The following TNRC6B variants were observed in gnomAD, a reference collection of about 807,000 sequenced individuals.
TNRC6B encodes trinucleotide repeat containing adaptor 6B.
In TNRC6B, 52 loss-of-function variants were observed where a neutral mutation model predicts 203.6. The observed-to-expected ratio is 0.26, with a 90% CI of 0.20 to 0.32. The LOEUF (loss-of-function observed/expected upper bound fraction) is 0.32, where lower values mean the gene tolerates loss of function less well. TNRC6B is among the 10% of genes least tolerant of loss of function. The pLI, the probability that TNRC6B is intolerant of heterozygous loss-of-function variation, is 1.00. For synonymous variants in TNRC6B, 838 were observed against 845.7 expected (o/e 0.99, Z 0.16); for missense variants, 1,923 against 2,286.2 (o/e 0.84, Z 3.24).
At chr22:40,309,505 A>G (rs1022693293) in intron 16 of TNRC6B, among the ~76,000 whole-genome samples, 3 of 152,224 alleles carry the variant, frequency 2.0e-5, no homozygotes, top group Non-Finnish European at 4.4e-5. Flanking sequence ...CCTAAGCATT[A>G]TCATTTGGTT....
Position 40,265,869 on chromosome 22 carries a change from C to T in TNRC6B, c.1639C>T (p.Pro547Ser). Residue 547 changes from proline to serine, a missense_variant, in exon 5 of 23, where the codon CCT (proline) becomes TCT (serine). By Grantham distance (74) the Pro-to-Ser change is moderately conservative (BLOSUM62 -1). Around this residue, in one of 8 missense-constraint regions of TNRC6B, gnomAD observed 614 missense variants for 587.7 expected, o/e 1.04. Coordinates refer to ENST00000454349, the MANE Select transcript of TNRC6B (RefSeq NM_001162501.2). Reference sequence around the variant, plus strand: ...GGACAATCAAAAGGGCCACCCCCTCCCTGAAAACCAAGGCAATGCCCAGGC... The same window carrying T: ...GGACAATCAAAAGGGCCACCCCCTCTCTGAAAACCAAGGCAATGCCCAGGC... The part of the protein sequence containing the change: ...AWDNQKGHPL[P>S]ENQGNAQAPC... 6.2e-7 allele frequency: 1 copy of T among 1,613,992 alleles called. No homozygotes were observed.
chr22:40,222,728 C>CTTTTTTTTT (rs61374373), intron 1 of TNRC6B, among the ~76,000 whole-genome samples: 428 of 40,206 alleles, frequency 0.011, 75 homozygotes, highest in Middle Eastern at 0.023. Flanking sequence ...CTCTCTCTCT[C>CTTTTTTTTT]TTTTTTTTTT....
chr22:40,181,879 G>C (rs2069134496), intron 1 of TNRC6B, among the ~76,000 whole-genome samples: 1 of 150,190 alleles, frequency 6.7e-6, no homozygotes, highest in South Asian at 2.1e-4. Flanking sequence ...CAGTGATGTT[G>C]ACACTGCAGT....
intron 3 of TNRC6B, among the ~76,000 whole-genome samples, chr22:40,144,077 G>A (rs2068669511): frequency 6.6e-6 from 1 of 152,178 alleles, no homozygotes; most frequent in Non-Finnish European, 1.5e-5. Flanking sequence ...CCAGGTGTTG[G>A]CAAGAATGTG....
intron 6 of TNRC6B, among the ~76,000 whole-genome samples, chr22:40,271,507 C>A (rs2070562892): frequency 6.6e-6 from 1 of 152,130 alleles, no homozygotes; most frequent in East Asian, 1.9e-4. Context: ...ATCTCCTCGA[C>A]CTCATTAAAA....
rs534947011 is a variant in TNRC6B at position 40,080,106 on chromosome 22, T to G, written c.-121+35108T>G. Among the ~76,000 whole-genome samples, 13 of 148,920 alleles carry G rather than the reference T, an allele frequency of 8.7e-5. No homozygotes were observed. In the South Asian group the frequency reaches 2.6e-3, roughly 30 times the overall value. On this transcript the variant is annotated intron_variant, in intron 1 of 23. Coordinates refer to the TNRC6B transcript ENST00000301923. ...CACCGTGCCTGGCCTTTTTTTTTTTTTTTTTTTGTGTAGAGACACAGGTCT... is the reference window on the plus strand; with the variant it reads ...CACCGTGCCTGGCCTTTTTTTTTTTGTTTTTTTGTGTAGAGACACAGGTCT...
intron 3 of TNRC6B, among the ~76,000 whole-genome samples, chr22:40,151,500 A>G (rs1176123196): frequency 1.3e-5 from 2 of 149,130 alleles, no homozygotes; most frequent in African/African-American, 5.0e-5. Context: ...AGATCATGCT[A>G]CTACACTTCA....
chr22:40,216,765 G>C (rs949482786), intron 1 of TNRC6B, among the ~76,000 whole-genome samples: 2 of 152,268 alleles, frequency 1.3e-5, no homozygotes, highest in East Asian at 3.9e-4. Context: ...TATTAAACTG[G>C]AAATAATGTA....
chr22:40,059,910 C>T (rs993566121), intron 1 of TNRC6B, among the ~76,000 whole-genome samples: 1 of 150,510 alleles, frequency 6.6e-6, no homozygotes, highest in Non-Finnish European at 1.5e-5. Context: ...GCAACCTCCG[C>T]CTCCCAGGTT....
upstream of TNRC6B, among the ~76,000 whole-genome samples, chr22:40,173,045 C>G (rs541595006): frequency 6.6e-6 from 1 of 152,270 alleles, no homozygotes; most frequent in South Asian, 2.1e-4. Flanking sequence ...TTCTCTCTTT[C>G]AATTGATCAG....
chr22:40,066,864 G>T (rs1306127905), intron 1 of TNRC6B, among the ~76,000 whole-genome samples: 1 of 149,008 alleles, frequency 6.7e-6, no homozygotes, highest in Non-Finnish European at 1.5e-5. Context: ...TTACTACATT[G>T]CACTCTTAAC....
intron 1 of TNRC6B, among the ~76,000 whole-genome samples, chr22:40,084,169 A>G (rs564263002): frequency 8.1e-4 from 123 of 152,294 alleles, no homozygotes; most frequent in Non-Finnish European, 1.5e-3. Flanking sequence ...ATGATTAACT[A>G]TGTAATCTAA....
At chr22:40,075,162 T>A (rs866791566) in intron 1 of TNRC6B, among the ~76,000 whole-genome samples, 3,280 of 84,552 alleles carry the variant, frequency 0.039, 83 homozygotes, top group African/African-American at 0.15. Flanking sequence ...ATATATTTTT[T>A]TTTTTTTTTT....
At chr22:40,321,306 T>TTA (rs2071331001) in intron 22 of TNRC6B, 77 bp downstream of exon 22, 1 of 1,521,038 alleles carries the variant, frequency 6.6e-7, no homozygotes, top group African/African-American at 1.4e-5. Context: ...AGCTGCTGAA[T>TTA]TAAAGATGCA....
chr22:40,235,537 A>G (rs2069936281), intron 1 of TNRC6B, among the ~76,000 whole-genome samples: 1 of 152,132 alleles, frequency 6.6e-6, no homozygotes, highest in Non-Finnish European at 1.5e-5. Context: ...CCCCATCTCT[A>G]ATTGTGAAGG....
rs1033717699 is a variant in TNRC6B at position 40,323,363 on chromosome 22, G to C, written c.*122G>C. 7.6e-7 allele frequency: 1 copy of C among 1,318,288 alleles called. No homozygotes were observed. The highest frequency in any genetic ancestry group is 1.5e-5 in the African/African-American group (1 of 67,118). 81.7% of individuals were successfully genotyped at this position (1,318,288 alleles called of 1,614,324 possible). A position where few individuals can be genotyped will look rare whatever the true frequency, so the allele number is the denominator to read the frequency against. On this transcript the variant is annotated 3_prime_UTR_variant, in exon 23 of 23. Coordinates refer to ENST00000454349, the MANE Select transcript of TNRC6B (RefSeq NM_001162501.2). Reference sequence around the variant, plus strand: ...ATTTTTAAAAGGAAAAAAGAAAACGGAGAGAAAAAAAGGTGGGTCATTGAC... The same window carrying C: ...ATTTTTAAAAGGAAAAAAGAAAACGCAGAGAAAAAAAGGTGGGTCATTGAC...
At chr22:40,282,131 C>T (rs996858889) in intron 11 of TNRC6B, among the ~76,000 whole-genome samples, 6 of 152,182 alleles carry the variant, frequency 3.9e-5, no homozygotes, top group African/African-American at 9.7e-5. Context: ...TGTGGGAGGA[C>T]GTTAATTATA....
Position 40,265,913 on chromosome 22 carries a change from T to A in TNRC6B, c.1683T>A (p.Ser561=), listed in dbSNP as rs1027875130. The A allele has an allele frequency of 2.5e-6, 4 of 1,613,894 alleles. No individual in the cohort carries two copies. In the African/African-American group the frequency reaches 4.0e-5, roughly 16 times the overall value. Residue 561 remains serine, a synonymous_variant, in exon 5 of 23, where the codon TCT becomes TCA. Transcript: ENST00000454349. The part of the protein sequence containing the change: ...GNAQAPCWGR[S]SSSTGSEVGG... ...CCCAGGCTCCCTGTTGGGGAAGATC[T>A]TCCAGCTCCACAGGAAGTGAAGTTG...
chr22:40,241,530 G>A (rs886452429), intron 1 of TNRC6B, among the ~76,000 whole-genome samples: 5 of 152,198 alleles, frequency 3.3e-5, no homozygotes, highest in African/African-American at 1.2e-4. Context: ...TGAATGTGGA[G>A]TTGTCTGATG....
Sources: allele counts gnomAD v4.1 joint callset (sites outside exome capture counted in the v4.1 genomes callset), GRCh38; gene constraint gnomAD v4.1.1; regional missense constraint gnomAD v4.1.1; transcripts MANE v1.5; gene names NCBI Gene and HGNC (gene_info 2026-07-23, HGNC 2026-07-21).